DCLK2: variants seen among roughly 807,000 people sequenced by gnomAD.
The protein encoded by DCLK2 is doublecortin like kinase 2, also known as serine/threonine-protein kinase DCLK2.
Under a neutral mutation model 78.4 loss-of-function variants are expected in DCLK2, and 31 were observed. The ratio of observed to expected loss-of-function variants is 0.40; its 90% CI spans 0.30 to 0.53. The LOEUF (loss-of-function observed/expected upper bound fraction) is 0.53. Among genes scored for constraint, DCLK2 ranks in the 20% least tolerant of loss-of-function variants. DCLK2 has a pLI of 0.61. For missense variants in DCLK2, 872 were observed against 973.7 expected (o/e 0.90, Z 1.39); for synonymous variants, 407 against 374.9 (o/e 1.09, Z -0.99).
chr4:150,179,230 G>A lies in DCLK2; in HGVS notation c.757-13908G>A, dbSNP rs376391905. Among the ~76,000 whole-genome samples the A allele has an allele frequency of 6.6e-5, 10 of 152,094 alleles. No individual in the cohort carries two copies. In the South Asian group the frequency reaches 1.2e-3, roughly 19 times the overall value. ...TTTTTAGTAGAGACAGGGTTTCACC[G>A]TGTTAGCCAGGATGGTCTCGATCTC... On this transcript the variant is annotated intron_variant, in intron 2 of 15. Coordinates refer to ENST00000296550, the MANE Select transcript of DCLK2 (RefSeq NM_001040260.4).
chr4:150,120,995 TG>T (rs1463005743), intron 2 of DCLK2, among the ~76,000 whole-genome samples: 1 of 152,014 alleles, frequency 6.6e-6, no homozygotes, highest in Non-Finnish European at 1.5e-5. Flanking sequence ...TACTTATACC[TG>T]GGGGGCAGAG....
chr4:150,096,609 T>G (rs981456217), intron 1 of DCLK2, among the ~76,000 whole-genome samples: 2 of 151,814 alleles, frequency 1.3e-5, no homozygotes, highest in Non-Finnish European at 2.9e-5. Flanking sequence ...GTAAGGGAGA[T>G]CATAGATGCT....
intron 2 of DCLK2, among the ~76,000 whole-genome samples, chr4:150,119,279 T>G (rs1002653475): frequency 3.3e-5 from 5 of 152,152 alleles, no homozygotes; most frequent in African/African-American, 1.2e-4. Context: ...AGGGGTGTTT[T>G]TAGTTTTTCC....
chr4:150,179,745 G>A (rs550927626), intron 2 of DCLK2, among the ~76,000 whole-genome samples: 2 of 152,256 alleles, frequency 1.3e-5, no homozygotes, highest in South Asian at 4.2e-4. Context: ...ATTCTGTTAT[G>A]CCATTGAAAG....
chr4:150,194,372 A>G (rs1738708520), intron 3 of DCLK2, among the ~76,000 whole-genome samples: 1 of 152,172 alleles, frequency 6.6e-6, no homozygotes, highest in Admixed American at 6.5e-5. Flanking sequence ...AAATTGCCTA[A>G]TAATGCACTT....
At chr4:150,080,708 A>G (rs1248538166) in intron 1 of DCLK2, among the ~76,000 whole-genome samples, 2 of 152,212 alleles carry the variant, frequency 1.3e-5, no homozygotes, top group Admixed American at 1.3e-4. Flanking sequence ...TGCAGCATAT[A>G]CTTTCTCGTC....
At chr4:150,246,805 T>A (rs561243689) in intron 12 of DCLK2, among the ~76,000 whole-genome samples, 1 of 152,244 alleles carries the variant, frequency 6.6e-6, no homozygotes, top group Admixed American at 6.5e-5. Flanking sequence ...ACTAACTGTG[T>A]AAGTGCACCT....
At chr4:150,250,881 CTCCCCACACCCCCCACACCCCCCACA>C (rs1743766326) in intron 15 of DCLK2, among the ~76,000 whole-genome samples, 1 of 69,694 alleles carries the variant, frequency 1.4e-5, no homozygotes. Flanking sequence ...ATCCCCCACA[CTCCCCACACCCCCCACACCCCCCACA>C]TCCCCACACA....
At chr4:150,104,742 G>A (rs1731137792) in intron 2 of DCLK2, among the ~76,000 whole-genome samples, 1 of 150,398 alleles carries the variant, frequency 6.6e-6, no homozygotes, top group African/African-American at 2.5e-5. Context: ...TAAATATTTA[G>A]TAATAAAAAT....
intron 2 of DCLK2, among the ~76,000 whole-genome samples, chr4:150,129,225 A>C (rs1176748453): frequency 6.6e-6 from 1 of 152,150 alleles, no homozygotes; most frequent in Non-Finnish European, 1.5e-5. Flanking sequence ...GCTTTTTGGT[A>C]ACAAAAGAAA....
chr4:150,198,194 C>A, intron 4 of DCLK2, 91 bp downstream of exon 4: 1 of 1,191,512 alleles, frequency 8.4e-7, no homozygotes, highest in Non-Finnish European at 1.2e-6. Context: ...TAGTCTTTGC[C>A]AGGGTCGTAT....
chr4:150,176,293 C>G (rs900332722), intron 2 of DCLK2, among the ~76,000 whole-genome samples: 6 of 152,172 alleles, frequency 3.9e-5, no homozygotes, highest in Admixed American at 3.3e-4. Flanking sequence ...TAAATATTCC[C>G]TGAGTGCCTA....
At chr4:150,089,687 T>A (rs901470432) in intron 1 of DCLK2, among the ~76,000 whole-genome samples, 9 of 152,266 alleles carry the variant, frequency 5.9e-5, no homozygotes, top group Non-Finnish European at 1.3e-4. Flanking sequence ...GGTATGCTTA[T>A]GTATATAGGT....
intron 2 of DCLK2, among the ~76,000 whole-genome samples, chr4:150,140,776 G>C (rs1734056658): frequency 6.6e-6 from 1 of 152,112 alleles, no homozygotes; most frequent in Non-Finnish European, 1.5e-5. Context: ...ACTATAAAGA[G>C]GTTAAAATCA....
At chr4:150,207,753 G>T (rs1215971304) in intron 5 of DCLK2, among the ~76,000 whole-genome samples, 1 of 152,090 alleles carries the variant, frequency 6.6e-6, no homozygotes, top group Admixed American at 6.5e-5. Context: ...AGAGTTAGTG[G>T]TATCTTGATT....
chr4:150,203,598 C>G (rs1739609653), intron 4 of DCLK2, among the ~76,000 whole-genome samples, 197 bp from the exon 5 acceptor site: 1 of 75,332 alleles, frequency 1.3e-5, no homozygotes, highest in Non-Finnish European at 2.5e-5. Flanking sequence ...TCTAGTTTCA[C>G]TCTGTTTTTT....
chr4:150,143,627 T>A (rs1734256046), intron 2 of DCLK2, among the ~76,000 whole-genome samples: 1 of 152,238 alleles, frequency 6.6e-6, no homozygotes, highest in Non-Finnish European at 1.5e-5. Context: ...TTGAGATATC[T>A]TCATTCTGTT....
intron 1 of DCLK2, among the ~76,000 whole-genome samples, chr4:150,095,645 T>G (rs1017896771): frequency 1.3e-5 from 2 of 152,224 alleles, no homozygotes; most frequent in African/African-American, 4.8e-5. Context: ...AGAGTGTATT[T>G]CTGGGTCATT....
chr4:150,253,938 A>G, intron 15 of DCLK2: 1 of 978,304 alleles, frequency 1.0e-6, no homozygotes, highest in Non-Finnish European at 1.2e-6. Flanking sequence ...TGTATCAGTA[A>G]GTGTAATCTC....
Sources: allele counts gnomAD v4.1 joint callset (sites outside exome capture counted in the v4.1 genomes callset), GRCh38; gene constraint gnomAD v4.1.1; transcripts MANE v1.5; gene names NCBI Gene and HGNC (gene_info 2026-07-23, HGNC 2026-07-21).